The following PHLDB3 variants were observed in gnomAD, a reference collection of about 807,000 sequenced individuals.
PHLDB3 encodes the protein pleckstrin homology-like domain family B member 3.
A neutral mutation model predicts 85.7 loss-of-function variants in PHLDB3; 86 were observed. That is an observed-to-expected ratio of 1.00 (90% CI 0.84 to 1.20). The LOEUF (loss-of-function observed/expected upper bound fraction) is 1.20. Among genes scored for constraint, PHLDB3 ranks in the 50% most tolerant of loss-of-function variants. The pLI is 0.00. For missense variants in PHLDB3, 995 were observed against 873.0 expected (o/e 1.14, Z -1.76); for synonymous variants, 376 against 349.8 (o/e 1.07, Z -0.83).
At chr19:43,486,175 G>A (rs1971150382) in intron 13 of PHLDB3, 91 bp downstream of exon 13, 1 of 1,429,714 alleles carries the variant, frequency 7.0e-7, no homozygotes, top group African/African-American at 1.4e-5. Flanking sequence ...TCAATTGGAG[G>A]AGAGGAAAGG....
In PHLDB3 at chr19:43,500,693, A is replaced by G. The variant is rs117421784; in HGVS notation, c.534+1041T>C. ...GCTCTATCGCCCAGGTTGGAGTGCA[A>G]TGTTATAATCACAGCTCACTGCAGC... On this transcript the variant is annotated intron_variant, in intron 4 of 15. Coordinates refer to ENST00000292140, the MANE Select transcript of PHLDB3 (RefSeq NM_198850.4). Among the ~76,000 whole-genome samples, 263 of 152,220 alleles carry G rather than the reference A, an allele frequency of 1.7e-3. 1 individual carries two copies. The highest frequency in any genetic ancestry group is 2.9e-3 in the Non-Finnish European group (197 of 67,998).
In PHLDB3 at chr19:43,483,918, T is replaced by G. The variant is rs531849901; in HGVS notation, c.1485+2348A>C. ...AGAAGGGAGGCTCGAGGCCAGGAAT[T>G]CAATACCAGCCTGGCCAACATAGTG... On this transcript the variant is annotated intron_variant, in intron 13 of 15. Transcript: ENST00000292140. 3.6e-3 allele frequency among the ~76,000 whole-genome samples: 550 copies of G among 152,178 alleles called. 4 individuals are homozygous for G. The highest frequency in any genetic ancestry group is 0.012 in the African/African-American group (496 of 41,512).
intron 9 of PHLDB3, among the ~76,000 whole-genome samples, chr19:43,487,585 A>AAAAAAAAAAAAAAAAAAAAAC (rs1568477408): frequency 7.1e-6 from 1 of 141,632 alleles, no homozygotes; most frequent in African/African-American, 2.7e-5. Flanking sequence ...AAAAAAAAAA[A>AAAAAAAAAAAAAAAAAAAAAC]AAAAAAACAC....
chr19:43,481,082 G>C (rs1199402656), intron 13 of PHLDB3, among the ~76,000 whole-genome samples: 2 of 152,164 alleles, frequency 1.3e-5, no homozygotes, highest in Non-Finnish European at 2.9e-5. Context: ...AGTCATTTCA[G>C]GGTGGAGTCT....
At chr19:43,477,515 TAAA>T (rs144903376) in intron 15 of PHLDB3, among the ~76,000 whole-genome samples, 2 of 114,690 alleles carry the variant, frequency 1.7e-5, no homozygotes. Flanking sequence ...AGACTCCATC[TAAA>T]AAAAAAAAAA....
At chr19:43,492,342 C>A (rs1328563996) in intron 9 of PHLDB3, among the ~76,000 whole-genome samples, 1 of 152,124 alleles carries the variant, frequency 6.6e-6, no homozygotes, top group African/African-American at 2.4e-5. Flanking sequence ...CCACCTCGGC[C>A]TCTCAAAGTG....
At chr19:43,489,332 A>G (rs1031116793) in intron 9 of PHLDB3, among the ~76,000 whole-genome samples, 1 of 149,114 alleles carries the variant, frequency 6.7e-6, no homozygotes, top group Non-Finnish European at 1.5e-5. Flanking sequence ...ATGCCACTGC[A>G]CTCCAGCCTG....
intron 4 of PHLDB3, among the ~76,000 whole-genome samples, chr19:43,499,777 A>C (rs1312899477): frequency 1.3e-5 from 2 of 151,998 alleles, no homozygotes; most frequent in Non-Finnish European, 2.9e-5. Flanking sequence ...CCCGTTGCCC[A>C]GGCTGGAGTG....
intron 4 of PHLDB3, chr19:43,501,451 C>T: frequency 2.0e-6 from 1 of 494,132 alleles, no homozygotes; most frequent in Non-Finnish European, 3.5e-6. Flanking sequence ...TCCCAAAGTG[C>T]TATGATTACA....
At position 43,502,139 on chromosome 19, in the gene PHLDB3, TCA is replaced by T; in HGVS notation, c.356_357del (p.Val119GlufsTer24). On this transcript the variant is annotated frameshift_variant, in exon 3 of 16. Coordinates refer to ENST00000292140, the MANE Select transcript of PHLDB3 (RefSeq NM_198850.4). LOFTEE classifies it high-confidence loss of function. Reference protein sequence around the residue: ...LTRVALMEQRVKELQRQRKEL... With the variant: ...LTRVALMEQRXKELQRQRKEL... ...TCCTTCCTCTGGCGCTGTAGCTCCT[TCA>T]CTCGCTGCTCCATCAGGGCCACACG... 1 of 1,580,864 alleles carries T rather than the reference TCA, an allele frequency of 6.3e-7. No individual in the cohort carries two copies. The highest frequency in any genetic ancestry group is 1.3e-5 in the African/African-American group (1 of 74,126).
intron 9 of PHLDB3, among the ~76,000 whole-genome samples, chr19:43,487,591 A>AAAAAAAAAAAAAAACAC (rs1167897767): frequency 8.6e-6 from 1 of 115,770 alleles, no homozygotes; most frequent in Non-Finnish European, 1.9e-5. Context: ...AAAAAAAAAA[A>AAAAAAAAAAAAAAACAC]ACACAGAAAA....
At chr19:43,496,875 A>G (rs924810210) in intron 6 of PHLDB3, 2 of 323,956 alleles carry the variant, frequency 6.2e-6, no homozygotes, top group African/African-American at 9.4e-5. Context: ...TATAACGTGA[A>G]AAAAAAAAAA....
chr19:43,484,567 A>G (rs1038295554), intron 13 of PHLDB3, among the ~76,000 whole-genome samples: 2 of 151,534 alleles, frequency 1.3e-5, no homozygotes, highest in Admixed American at 6.6e-5. Context: ...AAAAAAATAA[A>G]TGGGTGTGGT....
At chr19:43,490,090 G>A (rs537834857) in intron 9 of PHLDB3, among the ~76,000 whole-genome samples, 62 of 147,440 alleles carry the variant, frequency 4.2e-4, no homozygotes, top group Non-Finnish European at 8.4e-4. Flanking sequence ...AGGGAGGGAG[G>A]GAAAAACATT....
Position 43,497,736 on chromosome 19 carries a change from A to G in PHLDB3, c.663+12T>C. 1 of 1,548,822 alleles carries G rather than the reference A, an allele frequency of 6.5e-7. No homozygotes were observed. The highest frequency in any genetic ancestry group is 8.7e-7 in the Non-Finnish European group (1 of 1,146,160). On this transcript the variant is annotated intron_variant, in intron 5 of 15. Coordinates refer to ENST00000292140, the MANE Select transcript of PHLDB3 (RefSeq NM_198850.4). ...CAAAAAAAACAAAAAAGAAAGAACC[A>G]GATGCCATTACCTCCTGCACACCCT...
chr19:43,477,958 C>T, intron 15 of PHLDB3, 89 bp downstream of exon 15: 2 of 1,069,724 alleles, frequency 1.9e-6, no homozygotes, highest in Non-Finnish European at 1.4e-6. Flanking sequence ...CTGCGGGTGG[C>T]TTTCCCCAGG....
In PHLDB3 at chr19:43,503,956, C is replaced by T; in HGVS notation, c.163G>A (p.Glu55Lys). 1 of 1,613,948 alleles carries T rather than the reference C, an allele frequency of 6.2e-7. No homozygotes were observed. The highest frequency in any genetic ancestry group is 8.5e-7 in the Non-Finnish European group (1 of 1,179,826). ...CTGCCTTCTCCCACTTCTTCTTCCT[C>T]TGCCTGCTGCTCAGCTCCCCCGCGG... Reference protein sequence around the residue: ...SSRGGAEQQAEEEEVGEGSST... With the variant: ...SSRGGAEQQAKEEEVGEGSST... The change falls in exon 2 of 16, where the codon GAG (glutamate) becomes AAG (lysine). Residue 55 changes from glutamate (E) to lysine (K), a missense_variant. Transcript: ENST00000292140.
intron 13 of PHLDB3, among the ~76,000 whole-genome samples, chr19:43,482,930 A>G (rs1445532511): frequency 6.6e-6 from 1 of 152,132 alleles, no homozygotes; most frequent in Non-Finnish European, 1.5e-5. Context: ...GGCTCTTATC[A>G]GCCTCTGACA....
At chr19:43,487,177 A>T in intron 9 of PHLDB3, 54 bp from the exon 10 acceptor site, 1 of 1,461,812 alleles carries the variant, frequency 6.8e-7, no homozygotes, top group Non-Finnish European at 9.4e-7. Context: ...CTCCAACCTA[A>T]GTCAGAGCAC....
Sources: allele counts gnomAD v4.1 joint callset (sites outside exome capture counted in the v4.1 genomes callset), GRCh38; gene constraint gnomAD v4.1.1; transcripts MANE v1.5; gene names NCBI Gene and HGNC (gene_info 2026-07-23, HGNC 2026-07-21).